Variants in PER3 observed in about 807,000 individuals in gnomAD.
PER3 encodes period circadian regulator 3.
Under a neutral mutation model 127.2 loss-of-function variants are expected in PER3, and 107 were observed. The ratio of observed to expected loss-of-function variants is 0.84; its 90% CI spans 0.72 to 0.99. The LOEUF is 0.99. PER3 is among the 50% of genes least tolerant of loss of function. PER3 has a pLI of 0.00. For missense variants in PER3, 1,560 were observed against 1,525.8 expected (o/e 1.02, Z -0.37); for synonymous variants, 618 against 585.8 (o/e 1.05, Z -0.79).
rs1056824323 is a variant in PER3, at chr1:7,826,561, T to C, written c.2039T>C (p.Val680Ala). 1.2e-6 allele frequency: 2 copies of C among 1,613,804 alleles called. No homozygotes were observed. The highest frequency in any genetic ancestry group is 1.6e-4 in the Middle Eastern group (1 of 6,062). Residue 680 changes from valine (V) to alanine (A), a missense_variant, in exon 17 of 22, where the codon GTG becomes GCG. Physicochemically the swap from Val to Ala is moderately conservative, Grantham distance 64. This residue lies in a region of PER3 where 1,332 missense variants were observed against 1,223.6 expected (regional missense o/e 1.09). Coordinates refer to ENST00000377532, the MANE Select transcript of PER3 (RefSeq NM_001377275.1). This position sits in a 1 kb window ranked among gnomAD's most constrained non-coding sequence, Gnocchi z 4.2. Reference sequence around the variant, plus strand: ...TTGACCTCGGAAGAATTTAAACACGTGGGGCTCACAGCGGCTGTTCTGTCA... The same window carrying C: ...TTGACCTCGGAAGAATTTAAACACGCGGGGCTCACAGCGGCTGTTCTGTCA... The part of the protein sequence containing the change: ...APLTSEEFKH[V>A]GLTAAVLSAH...
chr1:7,834,010 C>G (rs1418961957), intron 19 of PER3, among the ~76,000 whole-genome samples: 1 of 152,010 alleles, frequency 6.6e-6, no homozygotes, highest in African/African-American at 2.4e-5. Context: ...GCACCCTCCA[C>G]CTCCTAGGTT....
Position 7,829,773 on chromosome 1 carries a change from G to A in PER3, c.2887-61G>A, listed in dbSNP as rs553543432. 28 of 1,350,876 alleles carry A rather than the reference G, an allele frequency of 2.1e-5. No homozygotes were observed. In the South Asian group the frequency reaches 3.3e-4, roughly 16 times the overall value. 83.7% of individuals were successfully genotyped at this position (1,350,876 alleles called of 1,614,324 possible). On this transcript the variant is annotated intron_variant, in intron 18 of 21. Transcript: ENST00000377532. ...AGAAAGCAAAACCATGAATAAAGGA[G>A]GACTACTGTATTTTGTGATAAGAAG... is the stretch of plus-strand genomic sequence containing the variant.
intron 8 of PER3, among the ~76,000 whole-genome samples, chr1:7,802,392 A>G (rs748341479): frequency 6.6e-6 from 1 of 151,948 alleles, no homozygotes; most frequent in African/African-American, 2.4e-5. Context: ...CCTCCCAAAT[A>G]ACTGAGATTA....
intron 19 of PER3, among the ~76,000 whole-genome samples, chr1:7,833,627 A>G (rs2097343581): frequency 6.6e-6 from 1 of 152,084 alleles, no homozygotes; most frequent in African/African-American, 2.4e-5. Flanking sequence ...CTGTGTCTTT[A>G]TATTTAAAGT....
At position 7,842,779 on chromosome 1, in the gene PER3, T is replaced by C; in HGVS notation, c.*24T>C. The C allele has an allele frequency of 6.2e-7, 1 of 1,605,524 alleles. No homozygotes were observed. Among genetic ancestry groups the C allele is most frequent in the Non-Finnish European group, 8.5e-7 (1 of 1,173,640 alleles). On this transcript the variant is annotated 3_prime_UTR_variant, in exon 22 of 22. Transcript: ENST00000377532. ...GAGTGACTGTGAGGATGAACCTTCA[T>C]ACCCTTTCCAAGACGTGTTACACAG...
Position 7,827,704 on chromosome 1 carries a change from T to G in PER3, c.2775T>G (p.Ile925Met). The G allele has an allele frequency of 6.2e-7, 1 of 1,614,182 alleles. No homozygotes were observed. Among genetic ancestry groups the G allele is most frequent in the Non-Finnish European group, 8.5e-7 (1 of 1,180,034 alleles). ...CACAAAGCGAGGGGCACCCGTTCAT[T>G]ACTTCGAGAAGCAGCTCACCCTTGC... ...WEAQSEGHPF[I>M]TSRSSSPLQL... The change falls in exon 18 of 22, where the codon ATT becomes ATG. Residue 925 changes from isoleucine to methionine, a missense_variant. Transcript: ENST00000377532.
rs1558411405 is a variant in PER3, at chr1:7,803,675, C to T, written c.980-17C>T. 4.0e-6 allele frequency: 6 copies of T among 1,496,686 alleles called. No individual in the cohort carries two copies. The highest frequency in any genetic ancestry group is 1.8e-5 in the Admixed American group (1 of 55,166). The allele number at this position is 1,496,686 out of a possible 1,614,324, so 92.7% of individuals were successfully genotyped here. On this transcript the variant is annotated splice_polypyrimidine_tract_variant and intron_variant, in intron 9 of 21. Coordinates refer to ENST00000377532, the MANE Select transcript of PER3 (RefSeq NM_001377275.1). ...TGTGTTAAGTAAATCCTATTTTTGTCTTATTATTTTATATAGTTTTGAAGT... is the reference window on the plus strand; with the variant it reads ...TGTGTTAAGTAAATCCTATTTTTGTTTTATTATTTTATATAGTTTTGAAGT...
At chr1:7,820,290 T>A (rs776317793) in intron 15 of PER3, 51 bp downstream of exon 15, 2 of 1,571,632 alleles carry the variant, frequency 1.3e-6, no homozygotes, top group Admixed American at 3.6e-5. Context: ...AAATACATCC[T>A]TCTTGTTTCT....
At chr1:7,819,541 G>A (rs1446105925) in intron 14 of PER3, 121 bp downstream of exon 14, 2 of 831,558 alleles carry the variant, frequency 2.4e-6, no homozygotes, top group East Asian at 2.4e-5. Context: ...TAAATCAGTA[G>A]ACGTTTATGG....
In PER3 at chr1:7,803,710, A is replaced by G. The variant is rs767025250; in HGVS notation, c.998A>G (p.His333Arg). 3.7e-6 allele frequency: 6 copies of G among 1,603,800 alleles called. No homozygotes were observed. The African/African-American group carries it at 6.7e-5, about 18-fold the overall frequency. ...IHQKVLKYAG[H>R]PPFEHSPIRF... ...TATATAGTTTTGAAGTATGCAGGGCATCCTCCCTTTGAACATTCTCCCATT... is the reference window on the plus strand; with the variant it reads ...TATATAGTTTTGAAGTATGCAGGGCGTCCTCCCTTTGAACATTCTCCCATT... The change falls in exon 10 of 22, where the codon CAT (histidine) becomes CGT (arginine). Residue 333 changes from histidine to arginine, a missense_variant. This residue lies in a region of PER3 where 1,332 missense variants were observed against 1,223.6 expected (regional missense o/e 1.09). Coordinates refer to ENST00000377532, the MANE Select transcript of PER3 (RefSeq NM_001377275.1).
chr1:7,812,825 G>C (rs1355349797), intron 13 of PER3, among the ~76,000 whole-genome samples: 13 of 152,054 alleles, frequency 8.5e-5, no homozygotes, highest in Admixed American at 8.5e-4. Flanking sequence ...GTTTCTGGGA[G>C]ATCTTGATTT....
In PER3 at chr1:7,844,015, C is replaced by A; in HGVS notation, c.*1260C>A. ...ACAGTAACCTGTTGTCTTTATATAA[C>A]TTGCAACAAACTAATTTATTTTTTT... On this transcript the variant is annotated 3_prime_UTR_variant, in exon 22 of 22. Transcript: ENST00000377532. 9.0e-7 allele frequency: 1 copy of A among 1,115,340 alleles called. No individual in the cohort carries two copies. Among genetic ancestry groups the A allele is most frequent in the Non-Finnish European group, 1.1e-6 (1 of 885,106 alleles). The allele number at this position is 1,115,340 out of a possible 1,614,324, so 69.1% of individuals were successfully genotyped here.
chr1:7,794,157 G>A, intron 6 of PER3, 149 bp downstream of exon 6: 1 of 701,102 alleles, frequency 1.4e-6, no homozygotes, highest in Non-Finnish European at 2.6e-6. Context: ...TTCGTATTTT[G>A]ATTGAGAAGA....
intron 13 of PER3, among the ~76,000 whole-genome samples, chr1:7,812,977 A>T (rs1193104812): frequency 6.6e-6 from 1 of 152,238 alleles, no homozygotes; most frequent in African/African-American, 2.4e-5. Flanking sequence ...TGAAAAGGAA[A>T]ATGCTTAGTT....
At chr1:7,816,578 G>T (rs2097252480) in intron 13 of PER3, among the ~76,000 whole-genome samples, 1 of 152,126 alleles carries the variant, frequency 6.6e-6, no homozygotes, top group Non-Finnish European at 1.5e-5. Flanking sequence ...CATATGAAAA[G>T]ATGCTGAACC....
At chr1:7,823,933 G>A (rs1407543671) in intron 16 of PER3, among the ~76,000 whole-genome samples, 1 of 152,210 alleles carries the variant, frequency 6.6e-6, no homozygotes, top group African/African-American at 2.4e-5. Context: ...GATTGATGGT[G>A]TGTGAACTGT....
intron 5 of PER3, 80 bp downstream of exon 5, chr1:7,788,326 CAT>C (rs1161804733): frequency 4.0e-6 from 4 of 1,007,884 alleles, no homozygotes; most frequent in Non-Finnish European, 6.2e-6. Flanking sequence ...CAGAAATTAA[CAT>C]ATTATTTAGA....
Position 7,798,520 on chromosome 1 carries a change from C to G in PER3, c.645-5C>G. ...GACCAGCACTAATATCTTTAATCTC[C>G]TCAGTGGAGGTGAAGACAGAAAGCA... On this transcript the variant is annotated splice_region_variant and splice_polypyrimidine_tract_variant and intron_variant, in intron 6 of 21. Coordinates refer to ENST00000377532, the MANE Select transcript of PER3 (RefSeq NM_001377275.1). 2.5e-6 allele frequency: 4 copies of G among 1,612,732 alleles called. No individual in the cohort carries two copies. The highest frequency in any genetic ancestry group is 3.4e-6 in the Non-Finnish European group (4 of 1,178,998).
chr1:7,834,373 T>TA (rs1325879660), intron 19 of PER3, among the ~76,000 whole-genome samples: 8 of 152,188 alleles, frequency 5.3e-5, no homozygotes, highest in Admixed American at 1.3e-4. Context: ...TTTTAACGTG[T>TA]AAAAAAACCC....
Sources: gnomAD v4.1 joint callset for allele counts (sites outside exome capture counted in the v4.1 genomes callset) on GRCh38, gnomAD v4.1.1 for gene constraint, gnomAD v4.1.1 regional missense constraint, Gnocchi (gnomAD v3.1) non-coding constraint, MANE v1.5 for transcripts, NCBI Gene and HGNC (gene_info 2026-07-23, HGNC 2026-07-21) for gene names.